CC2D1B: variants seen among roughly 807,000 people sequenced by gnomAD.
CC2D1B encodes the protein coiled-coil and C2 domain containing 1B, also known as coiled-coil and C2 domain-containing protein 1B.
Under a neutral mutation model 110.8 loss-of-function variants are expected in CC2D1B, and 92 were observed. The observed-to-expected ratio is 0.83, with a 90% confidence interval of 0.70 to 0.99. The LOEUF is 0.99. Ranked by LOEUF, CC2D1B falls within the 50% of genes least tolerant of loss-of-function variation. The pLI, the probability that CC2D1B is intolerant of heterozygous loss-of-function variation, is 0.00. For missense variants in CC2D1B, 1,136 were observed against 1,089.0 expected (o/e 1.04, Z -0.61); for synonymous variants, 406 against 429.2 (o/e 0.95, Z 0.67).
At position 52,355,658 on chromosome 1, in the gene CC2D1B, G is replaced by A. The variant is rs1569833077; in HGVS notation, c.2137C>T (p.Pro713Ser). ...MNLPAPPGVT[P>S]DDLDAFVRFE... ...CGCACAAAAGCATCCAGGTCATCGG[G>A]AGTCACCCCTGGGAAGGAGAAAAGG... Residue 713 changes from proline to serine, a missense_variant, in exon 20 of 25, where the codon CCC becomes TCC. Coordinates refer to ENST00000284376, the MANE Select transcript of CC2D1B (RefSeq NM_001330585.2). 1 of 1,614,184 alleles carries A rather than the reference G, an allele frequency of 6.2e-7. No homozygotes were observed. Among genetic ancestry groups the A allele is most frequent in the Non-Finnish European group, 8.5e-7 (1 of 1,180,038 alleles).
rs758047992 is a variant in CC2D1B at position 52,354,713 on chromosome 1, GGCA to G, written c.2340-18_2340-16del. The G allele has an allele frequency of 5.0e-6, 8 of 1,613,632 alleles. No homozygotes were observed. The highest frequency in any genetic ancestry group is 5.9e-6 in the Non-Finnish European group (7 of 1,179,630). ...TGAAGAAGGACCTGGGGAGTCAAGA[GGCA>G]GCAGAGGATTGGACTGGGCAGGGAA... On this transcript the variant is annotated splice_polypyrimidine_tract_variant and intron_variant, in intron 22 of 24. Coordinates refer to ENST00000284376, the MANE Select transcript of CC2D1B (RefSeq NM_001330585.2).
chr1:52,360,913 A>G, intron 5 of CC2D1B, 61 bp downstream of exon 5: 3 of 1,590,960 alleles, frequency 1.9e-6, no homozygotes, highest in Non-Finnish European at 2.6e-6. Context: ...CAGGCCACAC[A>G]CGTGTTACGT....
chr1:52,358,179 C>G, intron 13 of CC2D1B, 152 bp downstream of exon 13: 1 of 1,116,950 alleles, frequency 9.0e-7, no homozygotes, highest in Non-Finnish European at 1.2e-6. Flanking sequence ...CTGCTATTTC[C>G]TAGCTGGGTG....
At position 52,359,158 on chromosome 1, in the gene CC2D1B, C is replaced by G. The variant is rs777206767; in HGVS notation, c.1127-1G>C. 2.9e-5 allele frequency: 47 copies of G among 1,609,740 alleles called. 1 individual carries two copies. Among genetic ancestry groups the G allele is most frequent in the Non-Finnish European group, 3.9e-5 (46 of 1,178,042 alleles). On this transcript the variant is annotated splice_acceptor_variant, in intron 10 of 24. Coordinates refer to ENST00000284376, the MANE Select transcript of CC2D1B (RefSeq NM_001330585.2). LOFTEE classifies it high-confidence loss of function. ...ACTGTCTGTGACTCTGTAGGGGCCACTTGAAGGAAAGAAGGAAGAAGTGGG... is the reference window on the plus strand; with the variant it reads ...ACTGTCTGTGACTCTGTAGGGGCCAGTTGAAGGAAAGAAGGAAGAAGTGGG...
In CC2D1B at chr1:52,357,916, G is replaced by T. The variant is rs1458849973; in HGVS notation, c.1462-18C>A. 2.0e-6 allele frequency: 3 copies of T among 1,536,294 alleles called. No homozygotes were observed. Among genetic ancestry groups the T allele is most frequent in the Non-Finnish European group, 2.6e-6 (3 of 1,148,044 alleles). On this transcript the variant is annotated intron_variant, in intron 13 of 24. Transcript: ENST00000284376. ...GGCTCACCCTGCAGGTGCCCAGGAG[G>T]CTGTTAGGAGGGGATGTGTTCCCTA...
At chr1:52,365,817 G>A (rs1261098357) in intron 1 of CC2D1B, among the ~76,000 whole-genome samples, 1 of 152,120 alleles carries the variant, frequency 6.6e-6, no homozygotes, top group Non-Finnish European at 1.5e-5. Flanking sequence ...CGGGCGCTCC[G>A]GGGGACTCTG....
rs1180359287 is a variant in CC2D1B, at chr1:52,357,716, C to G, written c.1580-18G>C. The G allele has an allele frequency of 1.2e-6, 2 of 1,610,364 alleles. No homozygotes were observed. Among genetic ancestry groups the G allele is most frequent in the Admixed American group, 1.7e-5 (1 of 59,452 alleles). ...CTCCCGCACTGAAGGGAGAAGGCCACTGGTTAGGGCCACACCTGCCCTCTC... is the reference window on the plus strand; with the variant it reads ...CTCCCGCACTGAAGGGAGAAGGCCAGTGGTTAGGGCCACACCTGCCCTCTC... On this transcript the variant is annotated intron_variant, in intron 14 of 24. Coordinates refer to ENST00000284376, the MANE Select transcript of CC2D1B (RefSeq NM_001330585.2).
intron 3 of CC2D1B, 128 bp downstream of exon 3, chr1:52,362,474 T>C (rs1646801289): frequency 1.3e-5 from 15 of 1,115,700 alleles, no homozygotes; most frequent in Non-Finnish European, 1.9e-5. Context: ...TTGGTGGGAG[T>C]GCGGCAGATG....
At position 52,356,078 on chromosome 1, in the gene CC2D1B, C is replaced by T. The variant is rs3795365; in HGVS notation, c.2054+108G>A. ...TCCTCAGCAGCCCCAGTGCCCACAG[C>T]GGGGCCAGGCTTGGGAAGCCTCACT... On this transcript the variant is annotated intron_variant, in intron 18 of 24. Coordinates refer to ENST00000284376, the MANE Select transcript of CC2D1B (RefSeq NM_001330585.2). 6.4e-3 allele frequency: 6,756 copies of T among 1,048,540 alleles called. 105 individuals are homozygous for T. Among genetic ancestry groups the T allele is most frequent in the South Asian group, 0.039 (2,778 of 70,820 alleles). 65.0% of individuals were successfully genotyped at this position (1,048,540 alleles called of 1,614,324 possible).
intron 5 of CC2D1B, 173 bp from the exon 6 acceptor site, chr1:52,360,722 G>C (rs1557552587): frequency 3.8e-6 from 4 of 1,063,006 alleles, no homozygotes; most frequent in Non-Finnish European, 5.3e-6. Flanking sequence ...GGCCATGGCA[G>C]AGGCAAATAC....
At chr1:52,356,469 C>G in intron 16 of CC2D1B, 27 bp from the exon 17 acceptor site, 2 of 1,613,822 alleles carry the variant, frequency 1.2e-6, no homozygotes, top group Non-Finnish European at 1.7e-6. Flanking sequence ...AGAGTGACTC[C>G]CGAGCCCAGA....
intron 2 of CC2D1B, among the ~76,000 whole-genome samples, chr1:52,363,518 C>T (rs1008598571): frequency 1.3e-5 from 2 of 152,086 alleles, no homozygotes; most frequent in Non-Finnish European, 2.9e-5. Flanking sequence ...TTCACAATAT[C>T]CTGCTACCAT....
Position 52,361,137 on chromosome 1 carries a change from G to A in CC2D1B, c.319-5C>T. On this transcript the variant is annotated splice_region_variant and splice_polypyrimidine_tract_variant and intron_variant, in intron 4 of 24. Transcript: ENST00000284376. The stretch of plus-strand genomic sequence containing the variant: ...TAAGACCTCCTGCAGCTCCGTCTAG[G>A]GAGACAAAACACAGCCCAGGAGCTT... 6.2e-7 allele frequency: 1 copy of A among 1,613,988 alleles called. No individual in the cohort carries two copies. The highest frequency in any genetic ancestry group is 8.5e-7 in the Non-Finnish European group (1 of 1,179,958).
intron 15 of CC2D1B, 190 bp from the exon 16 acceptor site, chr1:52,357,316 T>C: frequency 1.1e-6 from 1 of 919,248 alleles, no homozygotes; most frequent in East Asian, 2.6e-5. Context: ...CCTTGTCATC[T>C]CTGACCACAG....
chr1:52,353,411 T>C, intron 24 of CC2D1B, 107 bp downstream of exon 24: 9 of 1,522,982 alleles, frequency 5.9e-6, no homozygotes, highest in Non-Finnish European at 6.1e-6. Context: ...ATGGTAGGTC[T>C]TTCTCATAGA....
rs1264445914 is a variant in CC2D1B at position 52,352,351 on chromosome 1, T to A, written c.*874A>T. On this transcript the variant is annotated 3_prime_UTR_variant, in exon 25 of 25. Coordinates refer to ENST00000284376, the MANE Select transcript of CC2D1B (RefSeq NM_001330585.2). ...ACATAACCAGCCGAAGAGGAAAGGC[T>A]TTCCCTGTCCTCTCTCAAGAGGAAG... 6.6e-6 allele frequency: 1 copy of A among 152,584 alleles called. No individual in the cohort carries two copies. The highest frequency in any genetic ancestry group is 2.1e-4 in the South Asian group (1 of 4,820). 9.5% of individuals were successfully genotyped at this position (152,584 alleles called of 1,614,324 possible).
intron 12 of CC2D1B, 89 bp downstream of exon 12, chr1:52,358,597 A>C: frequency 1.3e-6 from 2 of 1,568,454 alleles, no homozygotes; most frequent in Non-Finnish European, 8.8e-7. Context: ...AGGCAGACGC[A>C]TGAGAAGTGG....
chr1:52,354,634 C>CATTCTCCAGCCGCTCCAGTTTCAGG lies in CC2D1B; in HGVS notation c.2379_2403dup (p.Glu802ProfsTer9). ...TCCACAATTTCTCTGATCTCACACTCATTCTCCAGCCGCTCCAGTTTCAGG... is the reference window on the plus strand; with the variant it reads ...TCCACAATTTCTCTGATCTCACACTCATTCTCCAGCCGCTCCAGTTTCAGGATTCTCCAGCCGCTCCAGTTTCAGG... On this transcript the variant is annotated frameshift_variant, in exon 23 of 25. Transcript: ENST00000284376. LOFTEE classifies it high-confidence loss of function. 6.2e-7 allele frequency: 1 copy of CATTCTCCAGCCGCTCCAGTTTCAGG among 1,614,264 alleles called. No individual in the cohort carries two copies.
rs1250240449 is a variant in CC2D1B, at chr1:52,361,044, T to C, written c.407A>G (p.Glu136Gly). Reference sequence around the variant, plus strand: ...AGGTTCAGTGTCTTCTAGGCCGTTCTCCTCCTCAGAGCCGCCTGGGTCAGC... The same window carrying C: ...AGGTTCAGTGTCTTCTAGGCCGTTCCCCTCCTCAGAGCCGCCTGGGTCAGC... Reference protein sequence around the residue: ...EVADPGGSEEENGLEDTEPPV... With the variant: ...EVADPGGSEEGNGLEDTEPPV... The change falls in exon 5 of 25, where the codon GAG becomes GGG. Residue 136 changes from glutamate (E) to glycine (G), a missense_variant. Transcript: ENST00000284376. The C allele has an allele frequency of 6.2e-7, 1 of 1,613,982 alleles. No individual in the cohort carries two copies. Among genetic ancestry groups the C allele is most frequent in the Non-Finnish European group, 8.5e-7 (1 of 1,180,006 alleles).
Sources: allele counts gnomAD v4.1 joint callset (sites outside exome capture counted in the v4.1 genomes callset), GRCh38; gene constraint gnomAD v4.1.1; transcripts MANE v1.5; gene names NCBI Gene and HGNC (gene_info 2026-07-23, HGNC 2026-07-21).